NUDT13: variants seen among roughly 807,000 people sequenced by gnomAD.
NUDT13 encodes nudix hydrolase 13.
A neutral mutation model predicts 41.7 loss-of-function variants in NUDT13; 40 were observed. That is an observed-to-expected ratio of 0.96 (90% confidence interval 0.75 to 1.25). NUDT13 has a LOEUF of 1.25. NUDT13 is among the 50% of genes most tolerant of loss of function. The pLI, the probability that NUDT13 is intolerant of heterozygous loss-of-function variation, is 0.00. For synonymous variants in NUDT13, 145 were observed against 155.5 expected (o/e 0.93, Z 0.50); for missense variants, 390 against 416.1 (o/e 0.94, Z 0.55).
chr10:73,116,030 C>T (rs72812275), intron 2 of NUDT13, among the ~76,000 whole-genome samples: 23,257 of 151,590 alleles, frequency 0.15, 3,033 homozygotes, highest in East Asian at 0.54. Context: ...CTTTTTGAGA[C>T]AGGATCTTGC....
chr10:73,115,945 G>C (rs1474024816), intron 2 of NUDT13, among the ~76,000 whole-genome samples: 1 of 151,994 alleles, frequency 6.6e-6, no homozygotes, highest in Non-Finnish European at 1.5e-5. Context: ...CAGTTTTGGG[G>C]GTTAAATTTA....
intron 8 of NUDT13, among the ~76,000 whole-genome samples, chr10:73,128,756 T>C (rs1264811561): frequency 1.3e-5 from 2 of 152,238 alleles, no homozygotes; most frequent in African/African-American, 4.8e-5. Context: ...TCCCTACTTG[T>C]CTATCTTTGC....
At chr10:73,129,101 A>G (rs543595044) in intron 8 of NUDT13, among the ~76,000 whole-genome samples, 1 of 152,140 alleles carries the variant, frequency 6.6e-6, no homozygotes, top group South Asian at 2.1e-4. Flanking sequence ...CAAGTCAGTC[A>G]GGATGCTGGG....
Position 73,119,571 on chromosome 10 carries a change from C to A in NUDT13, c.84-447C>A, listed in dbSNP as rs560915147. 1.2e-5 allele frequency: 8 copies of A among 641,750 alleles called. No homozygotes were observed. The South Asian group carries it at 5.5e-4, about 44-fold the overall frequency. The allele number at this position is 641,750 out of a possible 1,614,324, so 39.8% of individuals were successfully genotyped here. On this transcript the variant is annotated intron_variant, in intron 2 of 8. Coordinates refer to ENST00000357321, the MANE Select transcript of NUDT13 (RefSeq NM_015901.6). ...CACTGTACTTGTTTTCCTTTCACTC[C>A]ACTGCATGTAAATTCTTGCCTCACA...
chr10:73,129,165 G>GTTT (rs1842857496), intron 8 of NUDT13, among the ~76,000 whole-genome samples: 3 of 130,352 alleles, frequency 2.3e-5, no homozygotes, highest in African/African-American at 9.6e-5. Flanking sequence ...TTAAGACGTT[G>GTTT]TCTTTTTTTT....
intron 7 of NUDT13, chr10:73,126,274 T>A (rs1212007377): frequency 5.5e-6 from 1 of 181,002 alleles, no homozygotes; most frequent in African/African-American, 2.4e-5. Flanking sequence ...TTAATCTATC[T>A]TATTTTTTGA....
Position 73,122,163 on chromosome 10 carries a change from T to C in NUDT13, c.224-12T>C. The C allele has an allele frequency of 1.2e-6, 2 of 1,610,504 alleles. No homozygotes were observed. The highest frequency in any genetic ancestry group is 2.2e-5 in the South Asian group (2 of 90,458). ...TGTTTTGCTTTTCTCCCTTCCCCTT[T>C]CTGTTTCTTAGAGTTGGAAAGGCTC... On this transcript the variant is annotated splice_polypyrimidine_tract_variant and intron_variant, in intron 3 of 8. Coordinates refer to ENST00000357321, the MANE Select transcript of NUDT13 (RefSeq NM_015901.6).
intron 2 of NUDT13, chr10:73,119,509 G>T: frequency 1.0e-6 from 1 of 983,352 alleles, no homozygotes; most frequent in Non-Finnish European, 1.2e-6. Flanking sequence ...GAAAAAGTCT[G>T]TTCCCATCTC....
rs2133238342 is a variant in NUDT13 at position 73,130,957 on chromosome 10, G to T, written c.*54G>T. Reference sequence around the variant, plus strand: ...TGGTATTCCTGAGGGACAAACTAGAGATCAGTTGACAAAGGAGAAGTGACA... The same window carrying T: ...TGGTATTCCTGAGGGACAAACTAGATATCAGTTGACAAAGGAGAAGTGACA... On this transcript the variant is annotated 3_prime_UTR_variant, in exon 9 of 9. Transcript: ENST00000357321. The T allele has an allele frequency of 3.4e-6, 5 of 1,464,634 alleles. No individual in the cohort carries two copies. The East Asian group carries it at 1.1e-4, about 33-fold the overall frequency. 90.7% of individuals were successfully genotyped at this position (1,464,634 alleles called of 1,614,324 possible).
chr10:73,126,690 A>C lies in NUDT13; in HGVS notation c.721A>C (p.Thr241Pro). 3 of 1,614,122 alleles carry C rather than the reference A, an allele frequency of 1.9e-6. No homozygotes were observed. Among genetic ancestry groups the C allele is most frequent in the Non-Finnish European group, 2.5e-6 (3 of 1,179,998 alleles). ...FCDIGESVEETIRREVAEEVG... is the reference protein window; with the variant it reads ...FCDIGESVEEPIRREVAEEVG... ...GCTTGTAGGTGAAAGTGTGGAAGAG[A>C]CCATCCGCCGAGAAGTTGCAGAAGA... Residue 241 changes from threonine to proline, a missense_variant, in exon 8 of 9, where the codon ACC becomes CCC. Coordinates refer to ENST00000357321, the MANE Select transcript of NUDT13 (RefSeq NM_015901.6).
intron 1 of NUDT13, among the ~76,000 whole-genome samples, chr10:73,113,504 C>T (rs952916587): frequency 2.6e-5 from 4 of 152,190 alleles, no homozygotes; most frequent in African/African-American, 9.6e-5. Flanking sequence ...TTGCAACCCA[C>T]ATATTGCATA....
At chr10:73,116,397 C>T (rs866028472) in intron 2 of NUDT13, among the ~76,000 whole-genome samples, 5 of 152,108 alleles carry the variant, frequency 3.3e-5, no homozygotes, top group African/African-American at 7.2e-5. Context: ...AGGAAGTACA[C>T]ACTCACAACC....
chr10:73,117,105 G>A (rs1013259711), intron 2 of NUDT13, among the ~76,000 whole-genome samples: 6 of 150,390 alleles, frequency 4.0e-5, no homozygotes, highest in African/African-American at 1.2e-4. Context: ...GGATGGTCTG[G>A]ATCTCTTGAC....
intron 1 of NUDT13, among the ~76,000 whole-genome samples, chr10:73,112,934 C>T (rs549635334): frequency 1.2e-4 from 19 of 152,156 alleles, no homozygotes; most frequent in Admixed American, 7.9e-4. Flanking sequence ...GTTGCCCAGG[C>T]TGGAGTGCAA....
chr10:73,119,987 T>G, intron 2 of NUDT13, 31 bp from the exon 3 acceptor site: 5 of 1,612,638 alleles, frequency 3.1e-6, no homozygotes, highest in Non-Finnish European at 4.2e-6. Context: ...AAGGGTGGTT[T>G]TGTAATGGTT....
At chr10:73,115,490 A>G (rs924927549) in intron 2 of NUDT13, among the ~76,000 whole-genome samples, 4 of 152,124 alleles carry the variant, frequency 2.6e-5, no homozygotes, top group Admixed American at 6.5e-5. Flanking sequence ...TTTTAAACAA[A>G]CTAAATATCC....
chr10:73,116,498 C>A (rs551874029), intron 2 of NUDT13, among the ~76,000 whole-genome samples: 4 of 152,208 alleles, frequency 2.6e-5, no homozygotes, highest in African/African-American at 4.8e-5. Context: ...AATCCCAGCA[C>A]TTTGGGAAGC....
intron 3 of NUDT13, among the ~76,000 whole-genome samples, chr10:73,120,666 C>T (rs573138158): frequency 1.3e-5 from 2 of 152,078 alleles, no homozygotes; most frequent in African/African-American, 4.8e-5. Context: ...TGGCCAGGCG[C>T]GGTGGCTCAC....
At chr10:73,125,784 A>C (rs1842760394) in intron 7 of NUDT13, among the ~76,000 whole-genome samples, 1 of 151,268 alleles carries the variant, frequency 6.6e-6, no homozygotes, top group Non-Finnish European at 1.5e-5. Flanking sequence ...TTCTGGGTTC[A>C]AGCAATCCTC....
Sources: gnomAD v4.1 joint callset for allele counts (sites outside exome capture counted in the v4.1 genomes callset) on GRCh38, gnomAD v4.1.1 for gene constraint, MANE v1.5 for transcripts, NCBI Gene and HGNC (gene_info 2026-07-23, HGNC 2026-07-21) for gene names.